RGS7BP: variants seen among roughly 807,000 people sequenced by gnomAD.
The protein encoded by RGS7BP is regulator of G protein signaling 7 binding protein, also known as regulator of G protein signaling 7-binding protein.
Under a neutral mutation model 31.3 loss-of-function variants are expected in RGS7BP, and 9 were observed. The ratio of observed to expected loss-of-function variants is 0.29; its 90% CI spans 0.17 to 0.50. The LOEUF is 0.50. Among genes scored for constraint, RGS7BP ranks in the 20% least tolerant of loss-of-function variants. The pLI is 0.98. For synonymous variants in RGS7BP, 115 were observed against 120.1 expected, an observed-to-expected ratio of 0.96 and a Z score of 0.28; for missense variants, 274 against 322.0, an observed-to-expected ratio of 0.85 and a Z score of 1.14.
intron 2 of RGS7BP, among the ~76,000 whole-genome samples, chr5:64,512,305 A>G (rs1748859510): frequency 6.6e-6 from 1 of 152,082 alleles, no homozygotes; most frequent in Non-Finnish European, 1.5e-5. Context: ...CACTGATTCT[A>G]AATCAGATTA....
chr5:64,537,473 AT>A (rs1488073713), intron 2 of RGS7BP, among the ~76,000 whole-genome samples: 1 of 152,122 alleles, frequency 6.6e-6, no homozygotes, highest in Non-Finnish European at 1.5e-5. Flanking sequence ...TTAGCGTTGA[AT>A]TTTTAACCAC....
At chr5:64,558,471 TCTTTA>T (rs2111855370) in intron 2 of RGS7BP, among the ~76,000 whole-genome samples, 2 of 152,328 alleles carry the variant, frequency 1.3e-5, no homozygotes, top group African/African-American at 2.4e-5. Context: ...CCTATGCCTG[TCTTTA>T]CTTTAATCTC....
chr5:64,543,651 A>T (rs1741580975), intron 2 of RGS7BP, among the ~76,000 whole-genome samples: 1 of 152,256 alleles, frequency 6.6e-6, no homozygotes, highest in African/African-American at 2.4e-5. Context: ...ATGTCCAGGT[A>T]TAACCAATCA....
At chr5:64,604,794 C>G (rs543459875) in intron 5 of RGS7BP, among the ~76,000 whole-genome samples, 1 of 151,322 alleles carries the variant, frequency 6.6e-6, no homozygotes, top group Non-Finnish European at 1.5e-5. Flanking sequence ...TATAAGAAAT[C>G]TTTTATCAGC....
intron 2 of RGS7BP, among the ~76,000 whole-genome samples, chr5:64,535,985 G>A (rs1741342374): frequency 6.6e-6 from 1 of 152,166 alleles, no homozygotes. Context: ...CAATTGTGAT[G>A]GAAATAAATT....
intron 5 of RGS7BP, among the ~76,000 whole-genome samples, chr5:64,608,367 C>T (rs1463664123): frequency 1.3e-5 from 2 of 152,038 alleles, no homozygotes; most frequent in East Asian, 1.9e-4. Flanking sequence ...TACCTGTCAT[C>T]ATCCTAAAAA....
chr5:64,582,915 T>A (rs1359080393), intron 3 of RGS7BP, among the ~76,000 whole-genome samples: 1 of 152,240 alleles, frequency 6.6e-6, no homozygotes, highest in Non-Finnish European at 1.5e-5. Flanking sequence ...CCTTATTTCC[T>A]AATGGAATGA....
chr5:64,604,336 C>A (rs77325027), intron 5 of RGS7BP, among the ~76,000 whole-genome samples: 16,554 of 152,088 alleles, frequency 0.11, 944 homozygotes, highest in Middle Eastern at 0.19. Flanking sequence ...AATCTCCCCC[C>A]CTTCTCCTGC....
At chr5:64,597,184 A>G (rs911588147) in intron 4 of RGS7BP, among the ~76,000 whole-genome samples, 1 of 152,150 alleles carries the variant, frequency 6.6e-6, no homozygotes, top group Non-Finnish European at 1.5e-5. Flanking sequence ...GGACGTGTGT[A>G]GGGACAATTG....
chr5:64,562,701 G>C (rs1342534535), intron 2 of RGS7BP, among the ~76,000 whole-genome samples: 1 of 152,128 alleles, frequency 6.6e-6, no homozygotes, highest in Non-Finnish European at 1.5e-5. Context: ...TTTGAAAACA[G>C]TACCTGTACC....
intron 2 of RGS7BP, among the ~76,000 whole-genome samples, chr5:64,548,851 C>CTTTTTTTTTTTTT (rs555751491): frequency 6.4e-4 from 88 of 137,492 alleles, no homozygotes; most frequent in African/African-American, 2.2e-3. Flanking sequence ...AAGCCCTTTC[C>CTTTTTTTTTTTTT]TTTTTTTTTT....
chr5:64,549,640 G>A (rs566207229), intron 2 of RGS7BP, among the ~76,000 whole-genome samples: 7 of 152,176 alleles, frequency 4.6e-5, no homozygotes, highest in African/African-American at 1.7e-4. Flanking sequence ...CCTTCATTTT[G>A]TCCTGTCTCC....
At chr5:64,517,849 T>C (rs574187134) in intron 2 of RGS7BP, among the ~76,000 whole-genome samples, 5 of 152,304 alleles carry the variant, frequency 3.3e-5, no homozygotes, top group Admixed American at 2.6e-4. Context: ...GCAAGGAGTA[T>C]AGGTAGTGGC....
Position 64,506,838 on chromosome 5 carries a change from T to TG in RGS7BP, c.165+55dup, listed in dbSNP as rs71608566. The TG allele has an allele frequency of 7.0e-7, 1 of 1,436,192 alleles. No individual in the cohort carries two copies. The allele number at this position is 1,436,192 out of a possible 1,614,324, so 89.0% of individuals were successfully genotyped here. A position where few individuals can be genotyped will look rare whatever the true frequency, so the allele number is the denominator to read the frequency against. ...TTTTTTTTTTTTAATTGAGAGGGGGTGGGGGGAGTCATGTATGTTAATCAT... is the reference window on the plus strand; with the variant it reads ...TTTTTTTTTTTTAATTGAGAGGGGGTGGGGGGGAGTCATGTATGTTAATCAT... On this transcript the variant is annotated intron_variant, in intron 1 of 5. Coordinates refer to ENST00000334025, the MANE Select transcript of RGS7BP (RefSeq NM_001029875.3). The surrounding 1 kb of genome is among the most constrained non-coding windows in gnomAD (Gnocchi z 4.6).
chr5:64,607,908 G>A (rs575031041), intron 5 of RGS7BP, among the ~76,000 whole-genome samples: 1 of 152,008 alleles, frequency 6.6e-6, no homozygotes, highest in African/African-American at 2.4e-5. Context: ...ACAGCATCTA[G>A]GCTCAGTAAT....
chr5:64,588,250 C>T (rs182866962), intron 3 of RGS7BP, among the ~76,000 whole-genome samples: 35 of 152,312 alleles, frequency 2.3e-4, no homozygotes, highest in Admixed American at 2.2e-3. Context: ...TGGTCTCTCA[C>T]ATTCGGCACA....
intron 2 of RGS7BP, among the ~76,000 whole-genome samples, chr5:64,567,265 C>A (rs957609563): frequency 6.6e-6 from 1 of 152,036 alleles, no homozygotes; most frequent in Non-Finnish European, 1.5e-5. Context: ...GATAAACAGC[C>A]TCTCACATGG....
chr5:64,574,994 A>ATAT (rs1742382567), intron 2 of RGS7BP, among the ~76,000 whole-genome samples: 1 of 152,114 alleles, frequency 6.6e-6, no homozygotes, highest in East Asian at 1.9e-4. Context: ...ATGCTATTTT[A>ATAT]GTTGCATATA....
chr5:64,563,762 A>T (rs1056058949), intron 2 of RGS7BP, among the ~76,000 whole-genome samples: 1 of 152,134 alleles, frequency 6.6e-6, no homozygotes, highest in African/African-American at 2.4e-5. Context: ...ACACAATACG[A>T]TTACTTTCTT....
Sources: allele counts gnomAD v4.1 joint callset (sites outside exome capture counted in the v4.1 genomes callset), GRCh38; gene constraint gnomAD v4.1.1; non-coding constraint Gnocchi (gnomAD v3.1); transcripts MANE v1.5; gene names NCBI Gene and HGNC (gene_info 2026-07-23, HGNC 2026-07-21).